Variants in PAMR1 observed in about 807,000 individuals in gnomAD.
PAMR1 encodes inactive serine protease PAMR1.
A neutral mutation model predicts 81.8 loss-of-function variants in PAMR1; 88 were observed. The ratio of observed to expected loss-of-function variants is 1.08; its 90% CI spans 0.91 to 1.28. The LOEUF is 1.28. Among genes scored for constraint, PAMR1 ranks in the 50% most tolerant of loss-of-function variants. The pLI is 0.00. For missense variants in PAMR1, 935 were observed against 919.7 expected, an observed-to-expected ratio of 1.02 and a Z score of -0.21; for synonymous variants, 336 against 345.3, an observed-to-expected ratio of 0.97 and a Z score of 0.30.
intron 5 of PAMR1, among the ~76,000 whole-genome samples, chr11:35,468,767 A>T (rs1856801472): frequency 2.6e-5 from 4 of 152,132 alleles, no homozygotes; most frequent in Admixed American, 1.3e-4. Context: ...AGCTTATTTG[A>T]CCTCAAAGCC....
intron 1 of PAMR1, among the ~76,000 whole-genome samples, chr11:35,524,092 T>C (rs570741129): frequency 6.6e-6 from 1 of 152,174 alleles, no homozygotes; most frequent in South Asian, 2.1e-4. Context: ...CTGGAGCTGG[T>C]CCACCGACAC....
At chr11:35,438,207 G>T (rs1347706979) in intron 8 of PAMR1, among the ~76,000 whole-genome samples, 1 of 152,152 alleles carries the variant, frequency 6.6e-6, no homozygotes, top group Non-Finnish European at 1.5e-5. Flanking sequence ...TGTGATGTTG[G>T]ACAAGTTACT....
intron 1 of PAMR1, among the ~76,000 whole-genome samples, chr11:35,502,185 G>T (rs1285756769): frequency 6.6e-6 from 1 of 151,680 alleles, no homozygotes; most frequent in Non-Finnish European, 1.5e-5. Context: ...TATACCTGCT[G>T]GCCATTTGTA....
chr11:35,468,414 G>C (rs537581159), intron 5 of PAMR1, among the ~76,000 whole-genome samples: 2 of 152,206 alleles, frequency 1.3e-5, no homozygotes, highest in Admixed American at 6.5e-5. Flanking sequence ...AGCCATGCTT[G>C]TATCTCTCCC....
chr11:35,503,250 G>A (rs612861), intron 1 of PAMR1, among the ~76,000 whole-genome samples: 47,206 of 149,716 alleles, frequency 0.32, 7,470 homozygotes, highest in African/African-American at 0.37. Flanking sequence ...GCTTTGTAGT[G>A]TACTTTGAAG....
At chr11:35,444,726 T>C (rs1338107916) in intron 6 of PAMR1, among the ~76,000 whole-genome samples, 2 of 152,226 alleles carry the variant, frequency 1.3e-5, no homozygotes, top group Admixed American at 6.5e-5. Flanking sequence ...ACCAGTACCA[T>C]GCTGTTTTGG....
chr11:35,435,297 CT>C (rs1352109792), intron 9 of PAMR1, among the ~76,000 whole-genome samples: 3 of 152,198 alleles, frequency 2.0e-5, no homozygotes, highest in Non-Finnish European at 4.4e-5. Flanking sequence ...AATCCGGACA[CT>C]TTGACATATT....
chr11:35,486,395 G>A (rs529286677), intron 3 of PAMR1, among the ~76,000 whole-genome samples: 24 of 152,316 alleles, frequency 1.6e-4, no homozygotes, highest in Admixed American at 1.2e-3. Flanking sequence ...TCTCTAAAGC[G>A]CAAGCTCTAA....
intron 1 of PAMR1, among the ~76,000 whole-genome samples, chr11:35,513,130 C>G (rs967335787): frequency 6.6e-6 from 1 of 152,128 alleles, no homozygotes; most frequent in African/African-American, 2.4e-5. Context: ...ATAGTGACAC[C>G]AAAGGAAAGT....
chr11:35,439,643 T>C lies in PAMR1; in HGVS notation c.1084A>G (p.Met362Val). 6.2e-7 allele frequency: 1 copy of C among 1,614,002 alleles called. No individual in the cohort carries two copies. The highest frequency in any genetic ancestry group is 8.5e-7 in the Non-Finnish European group (1 of 1,179,860). ...SDLVRRRVLPMQVQSRETPLH... is the reference protein window; with the variant it reads ...SDLVRRRVLPVQVQSRETPLH... ...TGACCTCACCTTGACTGAACCTGCATCGGAAGAACTCTCCTTCTCACCAGG... is the reference window on the plus strand; with the variant it reads ...TGACCTCACCTTGACTGAACCTGCACCGGAAGAACTCTCCTTCTCACCAGG... Residue 362 changes from methionine to valine, a missense_variant, in exon 8 of 11, where the codon ATG becomes GTG. Coordinates refer to ENST00000619888, the MANE Select transcript of PAMR1 (RefSeq NM_001001991.3).
chr11:35,440,809 CT>C (rs1463130235), intron 7 of PAMR1, among the ~76,000 whole-genome samples: 1 of 152,214 alleles, frequency 6.6e-6, no homozygotes, highest in Non-Finnish European at 1.5e-5. Context: ...CTGCCTACAC[CT>C]CTTTTCTTTT....
At chr11:35,464,247 T>A (rs909585225) in intron 6 of PAMR1, among the ~76,000 whole-genome samples, 1 of 152,232 alleles carries the variant, frequency 6.6e-6, no homozygotes, top group Middle Eastern at 3.2e-3. Flanking sequence ...TGGATGAATA[T>A]ATAATTATAT....
At chr11:35,436,656 TCACACACACACACACA>T (rs34951313) in intron 8 of PAMR1, among the ~76,000 whole-genome samples, 1 of 144,836 alleles carries the variant, frequency 6.9e-6, no homozygotes, top group Non-Finnish European at 1.5e-5. Flanking sequence ...TCTCTCTCTG[TCACACACACACACACA>T]CACACACACA....
At chr11:35,460,676 A>G (rs553219781) in intron 6 of PAMR1, among the ~76,000 whole-genome samples, 27 of 152,302 alleles carry the variant, frequency 1.8e-4, no homozygotes, top group African/African-American at 6.3e-4. Flanking sequence ...ATGGCTACAT[A>G]GTATTCCATG....
intron 6 of PAMR1, among the ~76,000 whole-genome samples, chr11:35,466,492 C>T (rs559159852): frequency 1.3e-5 from 2 of 152,174 alleles, no homozygotes; most frequent in African/African-American, 4.8e-5. Flanking sequence ...CTTTGGGAGG[C>T]CGAGGCGGGT....
At chr11:35,456,909 C>G (rs1856545534) in intron 6 of PAMR1, among the ~76,000 whole-genome samples, 1 of 152,172 alleles carries the variant, frequency 6.6e-6, no homozygotes, top group South Asian at 2.1e-4. Context: ...AATATCAATT[C>G]TTAGATCTAA....
intron 6 of PAMR1, chr11:35,453,286 G>A (rs574331363): frequency 6.6e-6 from 1 of 152,226 alleles, no homozygotes; most frequent in East Asian, 1.9e-4. Context: ...CCCATTGTTG[G>A]GCCTATTCAA....
chr11:35,445,308 T>G (rs780377791), intron 6 of PAMR1, among the ~76,000 whole-genome samples: 6 of 152,256 alleles, frequency 3.9e-5, no homozygotes, highest in Non-Finnish European at 8.8e-5. Context: ...TGACTTCCTC[T>G]CTTCCTGTCT....
At chr11:35,442,259 A>G (rs1200447922) in intron 6 of PAMR1, among the ~76,000 whole-genome samples, 1 of 152,258 alleles carries the variant, frequency 6.6e-6, no homozygotes, top group East Asian at 1.9e-4. Flanking sequence ...ATAATTGTAG[A>G]GATACAATAA....
Sources: allele counts gnomAD v4.1 joint callset (sites outside exome capture counted in the v4.1 genomes callset), GRCh38; gene constraint gnomAD v4.1.1; transcripts MANE v1.5; gene names NCBI Gene and HGNC (gene_info 2026-07-23, HGNC 2026-07-21).